RCAN2: variants seen among roughly 807,000 people sequenced by gnomAD.
RCAN2 encodes the protein calcipressin-2.
Under a neutral mutation model 23.6 loss-of-function variants are expected in RCAN2, and 9 were observed. The observed-to-expected ratio is 0.38, with a 90% confidence interval of 0.23 to 0.67. RCAN2 has a LOEUF of 0.67. Among genes scored for constraint, RCAN2 ranks in the 30% least tolerant of loss-of-function variants. The probability of loss-of-function intolerance (pLI) is 0.51; values close to 1 mark genes in which losing one functional copy is unlikely to be tolerated. For synonymous variants in RCAN2, 109 were observed against 115.7 expected, an observed-to-expected ratio of 0.94 and a Z score of 0.37; for missense variants, 273 against 302.3, an observed-to-expected ratio of 0.90 and a Z score of 0.72.
chr6:46,473,336 T>C (rs891053838), intron 1 of RCAN2, among the ~76,000 whole-genome samples: 1 of 152,098 alleles, frequency 6.6e-6, no homozygotes, highest in African/African-American at 2.4e-5. Flanking sequence ...ATCACACACA[T>C]ACAGACACAT....
At chr6:46,230,369 C>G (rs1765838396) in intron 4 of RCAN2, among the ~76,000 whole-genome samples, 1 of 152,228 alleles carries the variant, frequency 6.6e-6, no homozygotes. Context: ...GCCCTACCCC[C>G]AGAGGTGGAG....
intron 4 of RCAN2, among the ~76,000 whole-genome samples, chr6:46,232,459 G>A (rs942226798): frequency 1.3e-5 from 2 of 152,078 alleles, no homozygotes; most frequent in African/African-American, 4.8e-5. Flanking sequence ...CTAAGCAGTG[G>A]TTCTTAAACA....
intron 1 of RCAN2, among the ~76,000 whole-genome samples, chr6:46,471,976 C>G (rs16874639): frequency 6.6e-6 from 1 of 152,090 alleles, no homozygotes; most frequent in Non-Finnish European, 1.5e-5. Context: ...TCCCAGGACT[C>G]GGCGACTTGC....
chr6:46,440,548 G>T (rs1767507259), intron 2 of RCAN2, among the ~76,000 whole-genome samples: 1 of 151,940 alleles, frequency 6.6e-6, no homozygotes, highest in Non-Finnish European at 1.5e-5. Flanking sequence ...GATTGTTAAA[G>T]TATTCATTAA....
At chr6:46,244,401 T>C (rs1766439264) in intron 4 of RCAN2, among the ~76,000 whole-genome samples, 1 of 152,142 alleles carries the variant, frequency 6.6e-6, no homozygotes, top group Admixed American at 6.5e-5. Context: ...TCTGCCTCCA[T>C]CAGTCCCAAG....
intron 2 of RCAN2, among the ~76,000 whole-genome samples, chr6:46,405,200 TG>T (rs1458794801): frequency 6.6e-6 from 1 of 152,150 alleles, no homozygotes; most frequent in African/African-American, 2.4e-5. Flanking sequence ...GGTGGGTTTG[TG>T]GTCTCGCTGG....
At chr6:46,393,833 T>C (rs573157865) in intron 2 of RCAN2, among the ~76,000 whole-genome samples, 1 of 152,304 alleles carries the variant, frequency 6.6e-6, no homozygotes, top group East Asian at 1.9e-4. Flanking sequence ...ACCAAGGGTG[T>C]TGCTTCTCCT....
chr6:46,346,941 T>C (rs1021250055), intron 2 of RCAN2, among the ~76,000 whole-genome samples: 5 of 152,086 alleles, frequency 3.3e-5, no homozygotes, highest in Non-Finnish European at 7.4e-5. Context: ...AGTGGCGTGA[T>C]CTCCGCTCAC....
At chr6:46,292,210 C>T (rs1762583312) in intron 2 of RCAN2, among the ~76,000 whole-genome samples, 1 of 152,138 alleles carries the variant, frequency 6.6e-6, no homozygotes, top group South Asian at 2.1e-4. Flanking sequence ...AAGGGTGTGA[C>T]AATTGATAAA....
intron 2 of RCAN2, among the ~76,000 whole-genome samples, chr6:46,271,299 C>G (rs1767516640): frequency 6.6e-6 from 1 of 152,172 alleles, no homozygotes; most frequent in Admixed American, 6.5e-5. Flanking sequence ...CAGCTCCAGT[C>G]TAACGACAGT....
chr6:46,470,211 T>G (rs1017993962), intron 1 of RCAN2, among the ~76,000 whole-genome samples: 1 of 152,146 alleles, frequency 6.6e-6, no homozygotes, highest in Non-Finnish European at 1.5e-5. Context: ...GCCGACAGAC[T>G]CCTGAGAAAT....
At chr6:46,296,066 CGTGTGTGTGT>C (rs60947209) in intron 2 of RCAN2, among the ~76,000 whole-genome samples, 11 of 138,452 alleles carry the variant, frequency 7.9e-5, no homozygotes, top group East Asian at 2.2e-4. Context: ...CCAATAGCTT[CGTGTGTGTGT>C]GTGTGTGTGT....
chr6:46,418,355 T>G (rs1420494544), intron 2 of RCAN2, among the ~76,000 whole-genome samples: 1 of 152,160 alleles, frequency 6.6e-6, no homozygotes, highest in African/African-American at 2.4e-5. Context: ...TCCACTTCAT[T>G]CAGCCCTCTA....
intron 2 of RCAN2, among the ~76,000 whole-genome samples, chr6:46,386,903 G>C (rs1765772758): frequency 1.3e-5 from 2 of 152,106 alleles, no homozygotes; most frequent in African/African-American, 2.4e-5. Flanking sequence ...CCAAAACAGA[G>C]ATATAGACCA....
At chr6:46,346,072 G>T (rs1764473712) in intron 2 of RCAN2, among the ~76,000 whole-genome samples, 1 of 151,948 alleles carries the variant, frequency 6.6e-6, no homozygotes, top group South Asian at 2.1e-4. Flanking sequence ...TATGCTTTCT[G>T]ATCACAAAGG....
chr6:46,257,061 T>C (rs1008321065), intron 2 of RCAN2, among the ~76,000 whole-genome samples: 7 of 152,222 alleles, frequency 4.6e-5, no homozygotes, highest in African/African-American at 1.7e-4. Flanking sequence ...CTGTCTTCAG[T>C]AATTACAGAA....
At chr6:46,296,309 T>C (rs530128976) in intron 2 of RCAN2, among the ~76,000 whole-genome samples, 38 of 151,766 alleles carry the variant, frequency 2.5e-4, no homozygotes, top group African/African-American at 4.9e-4. Context: ...GAGTGGAGGG[T>C]CATTCACTAG....
intron 2 of RCAN2, among the ~76,000 whole-genome samples, chr6:46,456,231 T>C (rs1413234446): frequency 6.6e-6 from 1 of 152,216 alleles, no homozygotes; most frequent in African/African-American, 2.4e-5. Flanking sequence ...AATACCACCA[T>C]GGTATCAATG....
At chr6:46,309,543 G>A (rs1002148257) in intron 2 of RCAN2, among the ~76,000 whole-genome samples, 10 of 152,128 alleles carry the variant, frequency 6.6e-5, no homozygotes, top group African/African-American at 9.7e-5. Flanking sequence ...ATTCTCCTGT[G>A]GTTCATACAA....
Sources: allele counts gnomAD v4.1 joint callset (sites outside exome capture counted in the v4.1 genomes callset), GRCh38; gene constraint gnomAD v4.1.1; transcripts MANE v1.5; gene names NCBI Gene and HGNC (gene_info 2026-07-23, HGNC 2026-07-21).